The following KANSL1 variants were observed in gnomAD, a reference collection of about 807,000 sequenced individuals.
The protein encoded by KANSL1 is KAT8 regulatory NSL complex subunit 1.
Under a neutral mutation model 103.6 loss-of-function variants are expected in KANSL1, and 22 were observed. That is an observed-to-expected ratio of 0.21 (90% CI 0.15 to 0.30). The LOEUF is 0.30. KANSL1 is among the 10% of genes least tolerant of loss of function. The pLI is 1.00. For synonymous variants in KANSL1, 600 were observed against 527.6 expected (o/e 1.14, Z -1.88); for missense variants, 1,337 against 1,399.8 (o/e 0.96, Z 0.72).
chr17:46,071,986 C>CCCCCCCCCCCCCCCCCCCCCG (rs754370743), intron 4 of KANSL1, among the ~76,000 whole-genome samples: 1 of 142,664 alleles, frequency 7.0e-6, no homozygotes, highest in Non-Finnish European at 1.5e-5. Flanking sequence ...CCCCCCACCC[C>CCCCCCCCCCCCCCCCCCCCCG]TCCCCCCGCC....
chr17:46,073,147 C>T (rs1299257458), intron 4 of KANSL1, among the ~76,000 whole-genome samples: 1 of 152,158 alleles, frequency 6.6e-6, no homozygotes, highest in Non-Finnish European at 1.5e-5. Flanking sequence ...GAAGAGTATT[C>T]CTACTTACAC....
At chr17:46,196,978 G>T (rs2047631514), upstream of KANSL1, among the ~76,000 whole-genome samples, 1 of 152,084 alleles carries the variant, frequency 6.6e-6, no homozygotes, top group Non-Finnish European at 1.5e-5. Context: ...AGCCGGGGGT[G>T]GTGGCATACA....
chr17:46,087,828 G>A (rs2079223238), intron 3 of KANSL1, among the ~76,000 whole-genome samples: 1 of 152,142 alleles, frequency 6.6e-6, no homozygotes. Context: ...GTTTACTCAT[G>A]TTTAATAACC....
intron 2 of KANSL1, among the ~76,000 whole-genome samples, chr17:46,143,554 C>A (rs2147390384): frequency 6.6e-6 from 1 of 151,570 alleles, no homozygotes; most frequent in African/African-American, 2.4e-5. Flanking sequence ...CCTGTAATCC[C>A]AGCACTTTGG....
chr17:46,173,373 C>T (rs1015797870), intron 1 of KANSL1, among the ~76,000 whole-genome samples: 11 of 152,220 alleles, frequency 7.2e-5, no homozygotes, highest in Non-Finnish European at 1.5e-4. Flanking sequence ...TATTCCGCAT[C>T]CTGTTTCATT....
chr17:46,164,012 A>T (rs2045875695), intron 2 of KANSL1, among the ~76,000 whole-genome samples: 4 of 152,232 alleles, frequency 2.6e-5, no homozygotes, highest in Admixed American at 2.0e-4. Context: ...TAACATCACT[A>T]AGTGCCAGGC....
chr17:46,084,243 G>T (rs1453145570), intron 3 of KANSL1, among the ~76,000 whole-genome samples: 2 of 152,064 alleles, frequency 1.3e-5, no homozygotes, highest in African/African-American at 4.8e-5. Context: ...TTGCCCAGGC[G>T]TCGTGGCACA....
intron 1 of KANSL1, among the ~76,000 whole-genome samples, chr17:46,220,955 T>C (rs1273284888): frequency 6.6e-6 from 1 of 151,850 alleles, no homozygotes; most frequent in East Asian, 1.9e-4. Context: ...CCCAAAGTGC[T>C]GGGATTACAC....
chr17:46,133,307 C>A (rs114308269), intron 2 of KANSL1, among the ~76,000 whole-genome samples: 1 of 152,156 alleles, frequency 6.6e-6, no homozygotes, highest in African/African-American at 2.4e-5. Flanking sequence ...CCAAGGGCAT[C>A]GTTCTTTTCA....
intron 1 of KANSL1, among the ~76,000 whole-genome samples, chr17:46,181,197 A>C (rs1036332539): frequency 6.6e-5 from 10 of 152,246 alleles, no homozygotes; most frequent in African/African-American, 2.4e-4. Flanking sequence ...GAATGGAAAG[A>C]AAGCTCTCTT....
At chr17:46,046,011 G>A (rs2077492719) in intron 7 of KANSL1, 1 of 152,138 alleles carries the variant, frequency 6.6e-6, no homozygotes, top group African/African-American at 2.4e-5. Context: ...ACATTCCTAA[G>A]TCTTCCTAGT....
At chr17:46,125,444 T>C (rs1354160649) in intron 2 of KANSL1, among the ~76,000 whole-genome samples, 1 of 152,190 alleles carries the variant, frequency 6.6e-6, no homozygotes. Flanking sequence ...TGTGGTCATC[T>C]GGAAATGAAC....
chr17:46,189,743 G>A (rs1409432072), intron 1 of KANSL1, among the ~76,000 whole-genome samples: 1 of 151,906 alleles, frequency 6.6e-6, no homozygotes, highest in East Asian at 1.9e-4. Flanking sequence ...AACTTAGCTG[G>A]GCATGGTGGC....
chr17:46,157,796 T>TGC (rs2045509331), intron 2 of KANSL1, among the ~76,000 whole-genome samples: 1 of 152,270 alleles, frequency 6.6e-6, no homozygotes, highest in Non-Finnish European at 1.5e-5. Flanking sequence ...AGCTTCATTC[T>TGC]GTTTTCATCT....
At chr17:46,139,044 T>G (rs1250178302) in intron 2 of KANSL1, among the ~76,000 whole-genome samples, 1 of 152,224 alleles carries the variant, frequency 6.6e-6, no homozygotes, top group Non-Finnish European at 1.5e-5. Context: ...GTCTTGAGTT[T>G]TAAGGAAGAA....
At chr17:46,095,430 T>G (rs953752748) in intron 2 of KANSL1, among the ~76,000 whole-genome samples, 2 of 152,184 alleles carry the variant, frequency 1.3e-5, no homozygotes, top group African/African-American at 4.8e-5. Context: ...TGCAAAACTA[T>G]AGAGAGCCTC....
intron 2 of KANSL1, among the ~76,000 whole-genome samples, chr17:46,133,014 G>C (rs1255123833): frequency 1.3e-5 from 2 of 152,110 alleles, no homozygotes; most frequent in South Asian, 4.1e-4. Context: ...CAATCATGGA[G>C]ACTGTTTGTT....
chr17:46,034,416 T>C (rs1395844535), intron 10 of KANSL1, 131 bp from the exon 11 acceptor site: 6 of 897,850 alleles, frequency 6.7e-6, no homozygotes, highest in Non-Finnish European at 1.0e-5. Flanking sequence ...GTAATGACCA[T>C]AGCAGCTGCT....
chr17:46,136,886 T>TA (rs2044172439), intron 2 of KANSL1, among the ~76,000 whole-genome samples: 1 of 152,192 alleles, frequency 6.6e-6, no homozygotes. Context: ...GTGTATAAAT[T>TA]AAAAAACAAA....
Sources: allele counts gnomAD v4.1 joint callset (sites outside exome capture counted in the v4.1 genomes callset), GRCh38; gene constraint gnomAD v4.1.1; transcripts MANE v1.5; gene names NCBI Gene and HGNC (gene_info 2026-07-23, HGNC 2026-07-21).